ZNF778: variants seen among roughly 807,000 people sequenced by gnomAD.
The protein encoded by ZNF778 is zinc finger protein 778.
ZNF778 carries 37 observed loss-of-function variants against 23.9 expected under a neutral mutation model. The ratio of observed to expected loss-of-function variants is 1.54; its 90% CI spans 1.19 to 2.03. The LOEUF (loss-of-function observed/expected upper bound fraction) is 2.03, where lower values mean the gene tolerates loss of function less well. ZNF778 is among the 30% of genes most tolerant of loss of function. The pLI, the probability that ZNF778 is intolerant of heterozygous loss-of-function variation, is 0.00. For missense variants in ZNF778, 1,297 were observed against 934.4 expected (o/e 1.39, Z -5.06); for synonymous variants, 483 against 343.9 (o/e 1.40, Z -4.48).
In ZNF778 at chr16:89,223,194, C is replaced by T; in HGVS notation, c.155C>T (p.Thr52Ile). The T allele has an allele frequency of 6.2e-7, 1 of 1,614,018 alleles. No homozygotes were observed. The highest frequency in any genetic ancestry group is 8.5e-7 in the Non-Finnish European group (1 of 1,179,962). Residue 52 changes from threonine (T) to isoleucine (I), a missense_variant, in exon 4 of 7, where the codon ACC (threonine) becomes ATC (isoleucine). By Grantham distance (89) the Thr-to-Ile change is moderately conservative. Transcript: ENST00000433976. ...VTFDDVAVDF[T>I]QEEWTLLDPS... Reference sequence around the variant, plus strand: ...TTTGACGACGTGGCTGTGGACTTCACCCAGGAGGAATGGACTTTACTGGAC... The same window carrying T: ...TTTGACGACGTGGCTGTGGACTTCATCCAGGAGGAATGGACTTTACTGGAC...
In ZNF778 at chr16:89,227,800, C is replaced by G; in HGVS notation, c.1512C>G (p.Pro504=). 6.2e-7 allele frequency: 1 copy of G among 1,613,854 alleles called. No homozygotes were observed. The highest frequency in any genetic ancestry group is 8.5e-7 in the Non-Finnish European group (1 of 1,179,852). The change falls in exon 7 of 7, where the codon CCC becomes CCG. Residue 504 remains proline, a synonymous_variant. Coordinates refer to ENST00000433976, the MANE Select transcript of ZNF778 (RefSeq NM_001201407.2). ...EHARIHTGEK[P]YECKQCGKAF... The stretch of plus-strand genomic sequence containing the variant: ...CGAGAATCCATACCGGAGAGAAACC[C>G]TACGAATGTAAGCAGTGTGGCAAAG...
chr16:89,220,387 G>C (rs1268089226), intron 1 of ZNF778, among the ~76,000 whole-genome samples: 1 of 152,204 alleles, frequency 6.6e-6, no homozygotes, highest in East Asian at 1.9e-4. Context: ...GCGGGGCACG[G>C]TGGCTCACGC....
Position 89,232,228 on chromosome 16 carries a change from G to A in ZNF778, c.*3666G>A, listed in dbSNP as rs1323400369. The A allele has an allele frequency of 5.5e-6, 1 of 181,524 alleles. No homozygotes were observed. The highest frequency in any genetic ancestry group is 1.2e-5 in the Non-Finnish European group (1 of 84,282). 11.2% of individuals were successfully genotyped at this position (181,524 alleles called of 1,614,324 possible). ...TGTAGGGGAATGCACTAGTTACTGG[G>A]AGCATGGTTGTGATAAAGCCAAGCC... On this transcript the variant is annotated 3_prime_UTR_variant, in exon 7 of 7. Transcript: ENST00000433976.
chr16:89,223,832 C>G (rs535325730), intron 4 of ZNF778, among the ~76,000 whole-genome samples: 81 of 152,100 alleles, frequency 5.3e-4, no homozygotes, highest in African/African-American at 1.9e-3. Flanking sequence ...TCCTGGCATG[C>G]CACTGCACTC....
At position 89,227,852 on chromosome 16, in the gene ZNF778, A is replaced by C. The variant is rs376434654; in HGVS notation, c.1564A>C (p.Lys522Gln). ...CTTCACAGGGCGCTCAGGCCTCACT[A>C]AACACATGCGGACACACACCGGGGA... ...KAFTGRSGLT[K>Q]HMRTHTGEKP... is the part of the protein sequence containing the mutation. Residue 522 changes from lysine to glutamine, a missense_variant, in exon 7 of 7, where the codon AAA (lysine) becomes CAA (glutamine). Transcript: ENST00000433976. 1 of 1,614,084 alleles carries C rather than the reference A, an allele frequency of 6.2e-7. No homozygotes were observed. Among genetic ancestry groups the C allele is most frequent in the Middle Eastern group, 1.7e-4 (1 of 6,060 alleles).
chr16:89,229,083 C>G lies in ZNF778; in HGVS notation c.*521C>G, dbSNP rs908519060. The G allele has an allele frequency of 2.0e-6, 2 of 988,294 alleles. No individual in the cohort carries two copies. The highest frequency in any genetic ancestry group is 1.7e-5 in the African/African-American group (1 of 57,274). 61.2% of individuals were successfully genotyped at this position (988,294 alleles called of 1,614,324 possible). A position where few individuals can be genotyped will look rare whatever the true frequency, so the allele number is the denominator to read the frequency against. ...TATTTTGAATCTTTATGATGCTGCACTGATCATTCTTGGAGTGAGGACTCT... is the reference window on the plus strand; with the variant it reads ...TATTTTGAATCTTTATGATGCTGCAGTGATCATTCTTGGAGTGAGGACTCT... On this transcript the variant is annotated 3_prime_UTR_variant, in exon 7 of 7. Coordinates refer to ENST00000433976, the MANE Select transcript of ZNF778 (RefSeq NM_001201407.2).
Position 89,230,063 on chromosome 16 carries a change from C to G in ZNF778, c.*1501C>G, listed in dbSNP as rs182619644. On this transcript the variant is annotated 3_prime_UTR_variant, in exon 7 of 7. Coordinates refer to ENST00000433976, the MANE Select transcript of ZNF778 (RefSeq NM_001201407.2). ...TGGGATCCTGTATGAGCAGCGTAGGCTCTGGTTGGTTAGTCATGCTCTTAG... is the reference window on the plus strand; with the variant it reads ...TGGGATCCTGTATGAGCAGCGTAGGGTCTGGTTGGTTAGTCATGCTCTTAG... 21 of 973,336 alleles carry G rather than the reference C, an allele frequency of 2.2e-5. No individual in the cohort carries two copies. The East Asian group carries it at 2.3e-3, about 106-fold the overall frequency. 60.3% of individuals were successfully genotyped at this position (973,336 alleles called of 1,614,324 possible).
intron 1 of ZNF778, among the ~76,000 whole-genome samples, chr16:89,220,085 T>C (rs1208641465): frequency 1.3e-5 from 2 of 152,202 alleles, no homozygotes; most frequent in Admixed American, 6.5e-5. Context: ...CTGGGGATGA[T>C]GTTAAGGTGG....
At chr16:89,222,629 G>T (rs1392638470) in intron 3 of ZNF778, among the ~76,000 whole-genome samples, 1 of 152,228 alleles carries the variant, frequency 6.6e-6, no homozygotes, top group Non-Finnish European at 1.5e-5. Flanking sequence ...CTCCCAAAGG[G>T]CTGGGATTAC....
intron 5 of ZNF778, among the ~76,000 whole-genome samples, chr16:89,225,350 C>T (rs989292756): frequency 5.9e-5 from 9 of 151,976 alleles, no homozygotes; most frequent in Admixed American, 5.2e-4. Context: ...AATATTGTTT[C>T]TGTTCACCTC....
rs2031680094 is a variant in ZNF778 at position 89,228,253 on chromosome 16, T to G, written c.1965T>G (p.Ala655=). The change falls in exon 7 of 7, where the codon GCT becomes GCG. Residue 655 remains alanine, a synonymous_variant. Coordinates refer to ENST00000433976, the MANE Select transcript of ZNF778 (RefSeq NM_001201407.2). Reference sequence around the variant, plus strand: ...GTAAGGAGTGTGGGAAAGCCTTTGCTTCCTCCTCACACCTTATCGAACACA... The same window carrying G: ...GTAAGGAGTGTGGGAAAGCCTTTGCGTCCTCCTCACACCTTATCGAACACA... ...YICKECGKAF[A]SSSHLIEHRR... is the part of the protein sequence containing the mutation. The G allele has an allele frequency of 3.1e-6, 5 of 1,603,930 alleles. No homozygotes were observed. The highest frequency in any genetic ancestry group is 4.3e-6 in the Non-Finnish European group (5 of 1,171,804).
rs2032002026 is a variant in ZNF778, at chr16:89,232,857, C to G, written c.*4295C>G. The G allele has an allele frequency of 7.8e-7, 1 of 1,289,212 alleles. No individual in the cohort carries two copies. The highest frequency in any genetic ancestry group is 1.2e-5 in the South Asian group (1 of 80,980). The allele number at this position is 1,289,212 out of a possible 1,614,324, so 79.9% of individuals were successfully genotyped here. On this transcript the variant is annotated 3_prime_UTR_variant, in exon 7 of 7. Coordinates refer to ENST00000433976, the MANE Select transcript of ZNF778 (RefSeq NM_001201407.2). ...TGCAACTCAACTCACACCGTGTATG[C>G]AAATCAACTCGCACTGCGTATGCAA...
At chr16:89,226,405 AT>A (rs1475553203) in intron 6 of ZNF778, among the ~76,000 whole-genome samples, 1 of 152,036 alleles carries the variant, frequency 6.6e-6, no homozygotes, top group Non-Finnish European at 1.5e-5. Context: ...GGGTTTCTCC[AT>A]GTTGGTCAGG....
chr16:89,223,065 A>G (rs1450871478), intron 3 of ZNF778, 92 bp from the exon 4 acceptor site: 1 of 1,458,748 alleles, frequency 6.9e-7, no homozygotes, highest in East Asian at 2.4e-5. Context: ...GAGGCCTCAC[A>G]GTCCCATAGG....
rs2032157407 is a variant in ZNF778 at position 89,233,999 on chromosome 16, G to C, written c.*5437G>C. ...CCCAGACTTCATCCTGCCCTGTCCT[G>C]CCTTTCCTGTGAAAACCCTGTGGCC... On this transcript the variant is annotated 3_prime_UTR_variant, in exon 7 of 7. Transcript: ENST00000433976. The C allele has an allele frequency of 8.3e-7, 1 of 1,200,298 alleles. No individual in the cohort carries two copies. Among genetic ancestry groups the C allele is most frequent in the Admixed American group, 2.3e-5 (1 of 43,442 alleles). 74.4% of individuals were successfully genotyped at this position (1,200,298 alleles called of 1,614,324 possible).
Position 89,225,567 on chromosome 16 carries a change from A to G in ZNF778, c.341A>G (p.Lys114Arg). The G allele has an allele frequency of 1.2e-6, 2 of 1,612,074 alleles. No individual in the cohort carries two copies. The highest frequency in any genetic ancestry group is 2.7e-5 in the African/African-American group (2 of 74,966). Residue 114 changes from lysine to arginine, a missense_variant, in exon 6 of 7, where the codon AAA becomes AGA. By Grantham distance (26) the Lys-to-Arg change is conservative. Coordinates refer to ENST00000433976, the MANE Select transcript of ZNF778 (RefSeq NM_001201407.2). ...RRAVLQEWRL[K>R]TKGPALRQDR... ...TCTTTCTTTTCAGAATGGCGACTTAAAACCAAAGGGCCAGCACTTCGGCAG... is the reference window on the plus strand; with the variant it reads ...TCTTTCTTTTCAGAATGGCGACTTAGAACCAAAGGGCCAGCACTTCGGCAG...
chr16:89,224,224 C>A (rs577046981), intron 4 of ZNF778, among the ~76,000 whole-genome samples: 2 of 149,548 alleles, frequency 1.3e-5, no homozygotes, highest in African/African-American at 5.0e-5. Flanking sequence ...GTGGTGGCCA[C>A]GCCTGTAATC....
chr16:89,218,724 G>A (rs1414242517), intron 1 of ZNF778, among the ~76,000 whole-genome samples: 2 of 152,200 alleles, frequency 1.3e-5, no homozygotes, highest in Admixed American at 1.3e-4. Flanking sequence ...CCGGGAGGCG[G>A]AGCTTGCAGT....
chr16:89,221,274 A>ACT, intron 2 of ZNF778, 122 bp downstream of exon 2: 1 of 1,151,148 alleles, frequency 8.7e-7, no homozygotes, highest in Non-Finnish European at 1.2e-6. Flanking sequence ...CAGCTGCTGG[A>ACT]GTGAGCCAGA....
Sources: gnomAD v4.1 joint callset for allele counts (sites outside exome capture counted in the v4.1 genomes callset) on GRCh38, gnomAD v4.1.1 for gene constraint, MANE v1.5 for transcripts, NCBI Gene and HGNC (gene_info 2026-07-23, HGNC 2026-07-21) for gene names.